The following FGF14 variants were observed in gnomAD, a reference collection of about 807,000 sequenced individuals.
FGF14 encodes the protein fibroblast growth factor homologous factor 4.
Under a neutral mutation model 25.5 loss-of-function variants are expected in FGF14, and 5 were observed. That is an observed-to-expected ratio of 0.20 (90% CI 0.10 to 0.41). The LOEUF (loss-of-function observed/expected upper bound fraction) is 0.41. Ranked by LOEUF, FGF14 falls within the 10% of genes least tolerant of loss-of-function variation. The probability of loss-of-function intolerance (pLI) is 1.00; values close to 1 mark genes in which losing one functional copy is unlikely to be tolerated. For synonymous variants in FGF14, 138 were observed against 118.3 expected, an observed-to-expected ratio of 1.17 and a Z score of -1.08; for missense variants, 222 against 320.1, an observed-to-expected ratio of 0.69 and a Z score of 2.34.
At chr13:101,824,140 A>G (rs2042292622) in intron 3 of FGF14, among the ~76,000 whole-genome samples, 1 of 152,178 alleles carries the variant, frequency 6.6e-6, no homozygotes, top group South Asian at 2.1e-4. Flanking sequence ...TTATAGAATT[A>G]TAGACTGACT....
intron 3 of FGF14, among the ~76,000 whole-genome samples, chr13:101,736,613 C>T (rs1055955845): frequency 3.9e-5 from 6 of 152,128 alleles, no homozygotes; most frequent in African/African-American, 1.4e-4. Context: ...CTCTATTATA[C>T]ATGGGTTTGG....
chr13:102,384,100 A>C (rs1306395388), intron 1 of FGF14, among the ~76,000 whole-genome samples: 1 of 152,204 alleles, frequency 6.6e-6, no homozygotes, highest in Non-Finnish European at 1.5e-5. Flanking sequence ...AAATGTATTC[A>C]AAACTATTTT....
At chr13:101,932,866 T>C (rs1352931255) in intron 1 of FGF14, among the ~76,000 whole-genome samples, 2 of 151,588 alleles carry the variant, frequency 1.3e-5, no homozygotes, top group Admixed American at 1.3e-4. Context: ...GGTGGACAAG[T>C]TTAGAAAGAT....
At position 102,054,229 on chromosome 13, in the gene FGF14, CTTGA is replaced by C. The variant is rs1439333669; in HGVS notation, c.209-178937_209-178934del. On this transcript the variant is annotated intron_variant, in intron 1 of 4. Transcript: ENST00000376131. ...ATGAGAAATAATAGTTAACTATGATCTTGATTAATTTTTTCTCACACTTTTTGAT... is the reference window on the plus strand; with the variant it reads ...ATGAGAAATAATAGTTAACTATGATCTTAATTTTTTCTCACACTTTTTGAT... Among the ~76,000 whole-genome samples the C allele has an allele frequency of 3.9e-5, 6 of 152,206 alleles. No individual in the cohort carries two copies. In the East Asian group the frequency reaches 5.8e-4, roughly 15 times the overall value.
intron 1 of FGF14, among the ~76,000 whole-genome samples, chr13:102,205,244 T>C (rs978937084): frequency 3.9e-5 from 6 of 152,156 alleles, no homozygotes; most frequent in Non-Finnish European, 8.8e-5. Context: ...TGAGCTTTGG[T>C]TTTTCCATTT....
intron 1 of FGF14, among the ~76,000 whole-genome samples, chr13:101,975,075 C>G (rs1326902417): frequency 6.6e-6 from 1 of 152,086 alleles, no homozygotes; most frequent in Non-Finnish European, 1.5e-5. Flanking sequence ...TGAGGTGGCC[C>G]TGGCTTCCTG....
chr13:101,735,086 G>GGA (rs939873057), intron 3 of FGF14, among the ~76,000 whole-genome samples: 2 of 152,144 alleles, frequency 1.3e-5, no homozygotes, highest in African/African-American at 4.8e-5. Context: ...TCTCGCTGGA[G>GGA]GAGAGAGAGA....
chr13:102,162,983 CCTAT>C lies in FGF14; in HGVS notation c.208+238484_208+238487del, dbSNP rs1216788245. Among the ~76,000 whole-genome samples, 7 of 152,110 alleles carry C rather than the reference CCTAT, an allele frequency of 4.6e-5. No individual in the cohort carries two copies. The East Asian group carries it at 1.3e-3, about 29-fold the overall frequency. On this transcript the variant is annotated intron_variant, in intron 1 of 4. Transcript: ENST00000376131. The stretch of plus-strand genomic sequence containing the variant: ...ATGATGGTTCTAATTCTTGGAGAAA[CCTAT>C]CTGATTGGAAAATGCCTCTAAACAA...
At position 102,308,933 on chromosome 13, in the gene FGF14, A is replaced by AAC. The variant is rs1555398902; in HGVS notation, c.208+92536_208+92537dup. ...TTCTTATACAAAAAAAAAAAAAAAA[A>AAC]ACACAAAAAAAACAGACCCTAGAAA... On this transcript the variant is annotated intron_variant, in intron 1 of 4. Coordinates refer to the FGF14 transcript ENST00000376131. Among the ~76,000 whole-genome samples the AAC allele has an allele frequency of 1.3e-3, 203 of 150,432 alleles. 2 individuals are homozygous for AAC. The highest frequency in any genetic ancestry group is 4.4e-3 in the African/African-American group (180 of 40,620).
chr13:101,820,655 G>A (rs1358957265), intron 3 of FGF14, among the ~76,000 whole-genome samples: 2 of 152,078 alleles, frequency 1.3e-5, no homozygotes, highest in Non-Finnish European at 2.9e-5. Context: ...TACTTTGAAA[G>A]TGCTTTCTTA....
rs139888550 is a variant in FGF14 at position 102,165,558 on chromosome 13, C to T, written c.208+235913G>A. Among the ~76,000 whole-genome samples, 1,200 of 149,888 alleles carry T rather than the reference C, an allele frequency of 8.0e-3. 8 individuals are homozygous for T. The highest frequency in any genetic ancestry group is 0.017 in the African/African-American group (691 of 40,688). ...GAAACCATCATTCTCAGCAAACTAT[C>T]GCAAGGACAAAAAACCAAACACCAC... is the stretch of plus-strand genomic sequence containing the variant. On this transcript the variant is annotated intron_variant, in intron 1 of 4. Transcript: ENST00000376131.
intron 1 of FGF14, among the ~76,000 whole-genome samples, chr13:101,976,128 T>G (rs1000134589): frequency 6.9e-6 from 1 of 144,170 alleles, no homozygotes; most frequent in African/African-American, 2.6e-5. Flanking sequence ...TTTTTTTTAG[T>G]TCATTAATGT....
intron 1 of FGF14, among the ~76,000 whole-genome samples, chr13:102,304,700 T>C (rs2055275548): frequency 6.6e-6 from 1 of 152,148 alleles, no homozygotes; most frequent in African/African-American, 2.4e-5. Flanking sequence ...AGTGATCATG[T>C]CATGAGGACA....
At chr13:102,388,262 G>A (rs937897687) in intron 1 of FGF14, among the ~76,000 whole-genome samples, 4 of 152,160 alleles carry the variant, frequency 2.6e-5, no homozygotes, top group Non-Finnish European at 5.9e-5. Flanking sequence ...AGCCAGTAAC[G>A]TCATCAGGGC....
chr13:101,901,735 C>A (rs997103751), intron 1 of FGF14, among the ~76,000 whole-genome samples: 2 of 151,842 alleles, frequency 1.3e-5, no homozygotes, highest in Admixed American at 1.3e-4. Context: ...CCCAAAAAAC[C>A]CAACTAATCA....
At chr13:101,824,850 C>T (rs2042325317) in intron 3 of FGF14, among the ~76,000 whole-genome samples, 1 of 152,118 alleles carries the variant, frequency 6.6e-6, no homozygotes, top group African/African-American at 2.4e-5. Flanking sequence ...TAAATGAAGC[C>T]TCCATGAAAA....
intron 1 of FGF14, among the ~76,000 whole-genome samples, chr13:102,343,064 C>T (rs926032711): frequency 3.3e-5 from 5 of 152,010 alleles, no homozygotes; most frequent in Non-Finnish European, 5.9e-5. Flanking sequence ...TGAGAGTAGG[C>T]ACAGTCAATA....
intron 1 of FGF14, among the ~76,000 whole-genome samples, chr13:102,007,970 A>G (rs1157963611): frequency 3.3e-5 from 5 of 152,204 alleles, no homozygotes; most frequent in Non-Finnish European, 7.3e-5. Context: ...GTATAACACA[A>G]CAAGCTTTAG....
intron 3 of FGF14, among the ~76,000 whole-genome samples, chr13:101,818,166 A>G (rs1396618921): frequency 2.0e-5 from 3 of 152,246 alleles, no homozygotes; most frequent in Non-Finnish European, 4.4e-5. Flanking sequence ...TGAAGCTTGA[A>G]TCCACTAAGA....
Sources: allele counts gnomAD v4.1 joint callset (sites outside exome capture counted in the v4.1 genomes callset), GRCh38; gene constraint gnomAD v4.1.1; transcripts MANE v1.5; gene names NCBI Gene and HGNC (gene_info 2026-07-23, HGNC 2026-07-21).